KDM4C: variants seen among roughly 807,000 people sequenced by gnomAD.
KDM4C encodes lysine-specific demethylase 4C.
Under a neutral mutation model 129.3 loss-of-function variants are expected in KDM4C, and 81 were observed. The observed-to-expected ratio is 0.63, with a 90% CI of 0.52 to 0.75. The LOEUF (loss-of-function observed/expected upper bound fraction) is 0.75, where lower values mean the gene tolerates loss of function less well. Ranked by LOEUF, KDM4C falls within the 30% of genes least tolerant of loss-of-function variation. The pLI is 0.00. For synonymous variants in KDM4C, 573 were observed against 456.1 expected (o/e 1.26, Z -3.26); for missense variants, 1,457 against 1,304.0 (o/e 1.12, Z -1.81).
chr9:6,743,285 C>G (rs538646539), intron 1 of KDM4C, among the ~76,000 whole-genome samples: 1 of 152,132 alleles, frequency 6.6e-6, no homozygotes, highest in Non-Finnish European at 1.5e-5. Flanking sequence ...CACTGAGGCA[C>G]TTCGTTCAAG....
At chr9:6,837,938 T>C (rs1303041993) in intron 4 of KDM4C, among the ~76,000 whole-genome samples, 1 of 152,244 alleles carries the variant, frequency 6.6e-6, no homozygotes, top group Non-Finnish European at 1.5e-5. Flanking sequence ...ATCCTCAGTA[T>C]TGCTTAACTT....
chr9:6,949,097 T>C (rs1288622463), intron 8 of KDM4C, among the ~76,000 whole-genome samples: 2 of 143,676 alleles, frequency 1.4e-5, no homozygotes, highest in African/African-American at 5.3e-5. Context: ...ACGGGGCGGC[T>C]GGCCGGGTGG....
At chr9:6,901,555 C>T (rs1817414701) in intron 8 of KDM4C, among the ~76,000 whole-genome samples, 1 of 152,180 alleles carries the variant, frequency 6.6e-6, no homozygotes, top group Admixed American at 6.5e-5. Context: ...GAGAACTAGG[C>T]TCATCTACCC....
chr9:6,788,714 G>C (rs1160627411), intron 1 of KDM4C, among the ~76,000 whole-genome samples: 2 of 152,160 alleles, frequency 1.3e-5, no homozygotes, highest in Non-Finnish European at 2.9e-5. Context: ...CATTTCCCTG[G>C]AGGAGCTGAT....
intron 17 of KDM4C, among the ~76,000 whole-genome samples, chr9:7,059,868 A>G (rs1831371761): frequency 6.6e-6 from 1 of 152,120 alleles, no homozygotes; most frequent in South Asian, 2.1e-4. Context: ...TGAATTCATA[A>G]ATATATATTT....
intron 8 of KDM4C, among the ~76,000 whole-genome samples, chr9:6,978,298 T>C (rs1833269849): frequency 6.6e-6 from 1 of 152,256 alleles, no homozygotes; most frequent in Non-Finnish European, 1.5e-5. Context: ...TGATGTAATC[T>C]TTTTCACATC....
At chr9:7,038,926 A>C (rs1230363077) in intron 15 of KDM4C, among the ~76,000 whole-genome samples, 1 of 151,966 alleles carries the variant, frequency 6.6e-6, no homozygotes, top group Non-Finnish European at 1.5e-5. Flanking sequence ...ATTTTTTGTA[A>C]CTGTGGGCTT....
rs537672394 is a variant in KDM4C, at chr9:6,830,072, T to A, written c.435+15327T>A. 7.0e-3 allele frequency among the ~76,000 whole-genome samples: 1,060 copies of A among 152,244 alleles called. 12 individuals carry two copies. Among genetic ancestry groups the A allele is most frequent in the African/African-American group, 0.024 (1,010 of 41,532 alleles). On this transcript the variant is annotated intron_variant, in intron 4 of 21. Coordinates refer to ENST00000381309, the MANE Select transcript of KDM4C (RefSeq NM_015061.6). Reference sequence around the variant, plus strand: ...ATGGGGCAGTGTTTCTGTACCAAAATTTTTTTTAGTGTTTTCCTTATTACA... The same window carrying A: ...ATGGGGCAGTGTTTCTGTACCAAAAATTTTTTTAGTGTTTTCCTTATTACA...
intron 8 of KDM4C, among the ~76,000 whole-genome samples, chr9:6,956,476 G>T (rs1425780608): frequency 3.9e-5 from 6 of 152,166 alleles, no homozygotes; most frequent in Non-Finnish European, 7.3e-5. Flanking sequence ...CACTAAAAGG[G>T]TCAAATGTCA....
chr9:6,834,533 C>T (rs1165676521), intron 4 of KDM4C: 1 of 671,948 alleles, frequency 1.5e-6, no homozygotes, highest in African/African-American at 1.8e-5. Context: ...GTGACGATGA[C>T]CCCCGGCCGT....
chr9:7,006,444 C>G (rs570384508), intron 12 of KDM4C, among the ~76,000 whole-genome samples: 1 of 152,148 alleles, frequency 6.6e-6, no homozygotes, highest in South Asian at 2.1e-4. Context: ...CTAGCTATCC[C>G]TTTGAGGTGT....
At chr9:6,749,886 C>T (rs139270708) in intron 1 of KDM4C, among the ~76,000 whole-genome samples, 2,433 of 146,772 alleles carry the variant, frequency 0.017, 67 homozygotes, top group African/African-American at 0.058. Context: ...CTTGGGAGGC[C>T]GAGGCACAAG....
At chr9:6,788,092 A>G (rs1043376118) in intron 1 of KDM4C, among the ~76,000 whole-genome samples, 6 of 152,102 alleles carry the variant, frequency 3.9e-5, no homozygotes, top group African/African-American at 1.2e-4. Flanking sequence ...CTGTATGATT[A>G]ATTCCCTCCT....
At chr9:7,055,455 G>A (rs1830743007) in intron 17 of KDM4C, among the ~76,000 whole-genome samples, 1 of 152,174 alleles carries the variant, frequency 6.6e-6, no homozygotes, top group African/African-American at 2.4e-5. Context: ...TTTTGAAAAG[G>A]AATTTACACT....
chr9:7,005,938 A>G (rs1407381894), intron 12 of KDM4C, among the ~76,000 whole-genome samples: 1 of 152,246 alleles, frequency 6.6e-6, no homozygotes, highest in Non-Finnish European at 1.5e-5. Context: ...ATCTTAGAAT[A>G]ATTTGGTGTC....
intron 12 of KDM4C, among the ~76,000 whole-genome samples, chr9:7,002,699 C>T (rs367814346): frequency 6.1e-4 from 93 of 152,304 alleles, no homozygotes; most frequent in Non-Finnish European, 1.1e-3. Flanking sequence ...GTACACATTA[C>T]TAGTAACCAT....
At chr9:7,093,671 A>G (rs1052689660) in intron 17 of KDM4C, among the ~76,000 whole-genome samples, 2 of 152,244 alleles carry the variant, frequency 1.3e-5, no homozygotes, top group Non-Finnish European at 2.9e-5. Flanking sequence ...TATTTAAAAT[A>G]TACAGGATTA....
At chr9:7,029,900 G>T (rs1826443184) in intron 15 of KDM4C, among the ~76,000 whole-genome samples, 1 of 152,192 alleles carries the variant, frequency 6.6e-6, no homozygotes, top group Non-Finnish European at 1.5e-5. Flanking sequence ...TGGTGTCATT[G>T]TTTATTGCCA....
At chr9:6,858,642 G>A (rs887103558) in intron 5 of KDM4C, among the ~76,000 whole-genome samples, 3 of 151,960 alleles carry the variant, frequency 2.0e-5, no homozygotes, top group Non-Finnish European at 2.9e-5. Context: ...GTGTGGTGAC[G>A]TGCGCCTGTA....
Sources: allele counts gnomAD v4.1 joint callset (sites outside exome capture counted in the v4.1 genomes callset), GRCh38; gene constraint gnomAD v4.1.1; transcripts MANE v1.5; gene names NCBI Gene and HGNC (gene_info 2026-07-23, HGNC 2026-07-21).